The following SYDE1 variants were observed in gnomAD, a reference collection of about 807,000 sequenced individuals.
SYDE1 encodes the protein rho GTPase-activating protein SYDE1.
In SYDE1, 34 loss-of-function variants were observed where a neutral mutation model predicts 63.3. The ratio of observed to expected loss-of-function variants is 0.54; its 90% CI spans 0.41 to 0.71. The LOEUF is 0.71. SYDE1 is among the 30% of genes least tolerant of loss of function. SYDE1 has a pLI of 0.00. For missense variants in SYDE1, 925 were observed against 1,042.5 expected, an observed-to-expected ratio of 0.89 and a Z score of 1.55; for synonymous variants, 467 against 473.4, an observed-to-expected ratio of 0.99 and a Z score of 0.18.
Position 15,108,986 on chromosome 19 carries a change from T to C in SYDE1, c.89-70T>C. The C allele has an allele frequency of 7.0e-7, 1 of 1,431,972 alleles. No homozygotes were observed. The highest frequency in any genetic ancestry group is 9.1e-7 in the Non-Finnish European group (1 of 1,097,120). The allele number at this position is 1,431,972 out of a possible 1,614,324, so 88.7% of individuals were successfully genotyped here. ...CCGTACACAGCATCCCACCCACTGATCAATTGCACAGGGCTGCTCTGCAGG... is the reference window on the plus strand; with the variant it reads ...CCGTACACAGCATCCCACCCACTGACCAATTGCACAGGGCTGCTCTGCAGG... On this transcript the variant is annotated intron_variant, in intron 1 of 7. Transcript: ENST00000342784. This position sits in a 1 kb window ranked among gnomAD's most constrained non-coding sequence, Gnocchi z 4.3.
In SYDE1 at chr19:15,109,858, C is replaced by T. The variant is rs2046331216; in HGVS notation, c.585C>T (p.Ala195=). 6.5e-7 allele frequency: 1 copy of T among 1,527,456 alleles called. No homozygotes were observed. Among genetic ancestry groups the T allele is most frequent in the Admixed American group, 2.0e-5 (1 of 50,486 alleles). 94.6% of individuals were successfully genotyped at this position (1,527,456 alleles called of 1,614,324 possible). ...PRAGRERERA[A]PAGSVISRYH... ...CTGGCAGGGAGCGCGAGAGGGCTGC[C>T]CCTGCGGGCTCCGTCATCAGCCGCT... is the stretch of plus-strand genomic sequence containing the variant. Residue 195 remains alanine (A), a synonymous_variant, in exon 3 of 8, where the codon GCC becomes GCT. Transcript: ENST00000342784. The surrounding 1 kb of genome is among the most constrained non-coding windows in gnomAD (Gnocchi z 5.0).
At position 15,109,223 on chromosome 19, in the gene SYDE1, G is replaced by C. The variant is rs745324012; in HGVS notation, c.256G>C (p.Gly86Arg). Residue 86 changes from glycine (G) to arginine (R), a missense_variant, in exon 2 of 8, where the codon GGT becomes CGT. This residue lies in a region of SYDE1 where 599 missense variants were observed against 653.7 expected (regional missense o/e 0.92). Transcript: ENST00000342784. This position sits in a 1 kb window ranked among gnomAD's most constrained non-coding sequence, Gnocchi z 5.0. ...LEPSSRRWVLGGAKPAEDTSL... is the reference protein window; with the variant it reads ...LEPSSRRWVLRGAKPAEDTSL... ...GCCCAGTAGCCGCCGATGGGTGCTG[G>C]GTGGGGCCAAGCCAGCTGAGGACAC... 2.5e-6 allele frequency: 4 copies of C among 1,580,776 alleles called. No homozygotes were observed. Among genetic ancestry groups the C allele is most frequent in the African/African-American group, 2.7e-5 (2 of 74,400 alleles).
In SYDE1 at chr19:15,111,305, AC is replaced by A. The variant is rs1290293318; in HGVS notation, c.1291-3del. On this transcript the variant is annotated splice_region_variant and splice_polypyrimidine_tract_variant and intron_variant, in intron 4 of 7. Coordinates refer to ENST00000342784, the MANE Select transcript of SYDE1 (RefSeq NM_033025.6). This position sits in a 1 kb window ranked among gnomAD's most constrained non-coding sequence, Gnocchi z 5.5. ...AAGAAGACATTCACTCTCTCTTCCCACCCCCAGGTAGTGGGACTGTACCGTC... is the reference window on the plus strand; with the variant it reads ...AAGAAGACATTCACTCTCTCTTCCCACCCCAGGTAGTGGGACTGTACCGTC... 6.2e-7 allele frequency: 1 copy of A among 1,613,688 alleles called. No individual in the cohort carries two copies. Among genetic ancestry groups the A allele is most frequent in the Non-Finnish European group, 8.5e-7 (1 of 1,179,888 alleles).
chr19:15,109,902 T>TG lies in SYDE1; in HGVS notation c.635dup (p.Gly214ArgfsTer179). On this transcript the variant is annotated frameshift_variant, in exon 3 of 8. Coordinates refer to ENST00000342784, the MANE Select transcript of SYDE1 (RefSeq NM_033025.6). LOFTEE classifies it high-confidence loss of function. The surrounding 1 kb of genome is among the most constrained non-coding windows in gnomAD (Gnocchi z 5.0). Reference sequence around the variant, plus strand: ...AGCCGCTACCACCTGGACAGCAGCGTGGGGGGCCCCGGGCCGGCAGCAGGG... The same window carrying TG: ...AGCCGCTACCACCTGGACAGCAGCGTGGGGGGGCCCCGGGCCGGCAGCAGGG... 1.4e-6 allele frequency: 2 copies of TG among 1,477,032 alleles called. No homozygotes were observed. The highest frequency in any genetic ancestry group is 1.8e-6 in the Non-Finnish European group (2 of 1,119,592). 91.5% of individuals were successfully genotyped at this position (1,477,032 alleles called of 1,614,324 possible).
intron 7 of SYDE1, among the ~76,000 whole-genome samples, chr19:15,113,229 G>A (rs1251751366): frequency 6.6e-6 from 1 of 150,558 alleles, no homozygotes; most frequent in East Asian, 1.9e-4. Context: ...TAGTGGAGAT[G>A]GGGCTTCACG....
Position 15,109,723 on chromosome 19 carries a change from C to T in SYDE1, c.450C>T (p.Pro150=). The T allele has an allele frequency of 6.6e-7, 1 of 1,521,814 alleles. No homozygotes were observed. The highest frequency in any genetic ancestry group is 8.8e-7 in the Non-Finnish European group (1 of 1,133,956). 94.3% of individuals were successfully genotyped at this position (1,521,814 alleles called of 1,614,324 possible). The change falls in exon 3 of 8, where the codon CCC becomes CCT. Residue 150 remains proline (P), a synonymous_variant. Coordinates refer to ENST00000342784, the MANE Select transcript of SYDE1 (RefSeq NM_033025.6). The surrounding 1 kb of genome is among the most constrained non-coding windows in gnomAD (Gnocchi z 5.0). ...LAPQGAAPAS[P]PTKASRTKSP... The stretch of plus-strand genomic sequence containing the variant: ...ACACAGGTGCAGCCCCCGCCAGCCC[C>T]CCAACCAAAGCCTCCCGCACCAAGT...
chr19:15,110,800 A>G lies in SYDE1; in HGVS notation c.1290+65A>G, dbSNP rs988898522. 14 of 1,343,816 alleles carry G rather than the reference A, an allele frequency of 1.0e-5. No individual in the cohort carries two copies. The highest frequency in any genetic ancestry group is 5.8e-5 in the African/African-American group (4 of 69,246). 83.2% of individuals were successfully genotyped at this position (1,343,816 alleles called of 1,614,324 possible). On this transcript the variant is annotated intron_variant, in intron 4 of 7. Transcript: ENST00000342784. This position sits in a 1 kb window ranked among gnomAD's most constrained non-coding sequence, Gnocchi z 6.9. ...CTCAGACCACTCTTCAGGACACCCT[A>G]TGTACAGATGCCAGACCCCTACCCC...
At position 15,108,858 on chromosome 19, in the gene SYDE1, G is replaced by C; in HGVS notation, c.89-198G>C. ...TTTTGGGATGCCAGGGACTGAGTAG[G>C]GGGTGCTCTAAGCTGATAACTGAGA... On this transcript the variant is annotated intron_variant, in intron 1 of 7. Coordinates refer to ENST00000342784, the MANE Select transcript of SYDE1 (RefSeq NM_033025.6). The surrounding 1 kb of genome is among the most constrained non-coding windows in gnomAD (Gnocchi z 4.3). The C allele has an allele frequency of 1.3e-6, 1 of 775,332 alleles. No homozygotes were observed. The highest frequency in any genetic ancestry group is 3.1e-5 in the East Asian group (1 of 31,810). The allele number at this position is 775,332 out of a possible 1,614,324, so 48.0% of individuals were successfully genotyped here.
chr19:15,113,594 G>A lies in SYDE1; in HGVS notation c.1839G>A (p.Ala613=). ...TGCCCCGACAATCTCCAGATGTCGCGCCTTACTTGCGACCCAAACGACAGC... is the reference window on the plus strand; with the variant it reads ...TGCCCCGACAATCTCCAGATGTCGCACCTTACTTGCGACCCAAACGACAGC... The part of the protein sequence containing the change: ...PRLPRQSPDV[A]PYLRPKRQPP... The change falls in exon 8 of 8, where the codon GCG becomes GCA. Residue 613 remains alanine (A), a synonymous_variant. Coordinates refer to ENST00000342784, the MANE Select transcript of SYDE1 (RefSeq NM_033025.6). 1 of 1,585,052 alleles carries A rather than the reference G, an allele frequency of 6.3e-7. No individual in the cohort carries two copies. Among genetic ancestry groups the A allele is most frequent in the Non-Finnish European group, 8.6e-7 (1 of 1,164,174 alleles).
chr19:15,111,653 G>A lies in SYDE1; in HGVS notation c.1439G>A (p.Arg480Gln), dbSNP rs1464165172. ...ACAGGCATCCTCAAGGATTATCTTC[G>A]AGAGTTGCCCACCCCACTCATCACC... ...VITGILKDYL[R>Q]ELPTPLITQP... The change falls in exon 6 of 8, where the codon CGA (arginine) becomes CAA (glutamine). Residue 480 changes from arginine (R) to glutamine (Q), a missense_variant. Arg to Gln is a conservative substitution (Grantham distance 43, BLOSUM62 1). Around this residue, in one of 3 missense-constraint regions of SYDE1, gnomAD observed 71 missense variants for 132.8 expected, o/e 0.53. Coordinates refer to ENST00000342784, the MANE Select transcript of SYDE1 (RefSeq NM_033025.6). This position sits in a 1 kb window ranked among gnomAD's most constrained non-coding sequence, Gnocchi z 5.5. 3.7e-6 allele frequency: 6 copies of A among 1,613,828 alleles called. No individual in the cohort carries two copies. The highest frequency in any genetic ancestry group is 1.7e-5 in the Admixed American group (1 of 59,988).
In SYDE1 at chr19:15,108,293, C is replaced by A. The variant is rs1188408177; in HGVS notation, c.89-763C>A. Among the ~76,000 whole-genome samples, 1 of 152,110 alleles carries A rather than the reference C, an allele frequency of 6.6e-6. No individual in the cohort carries two copies. The highest frequency in any genetic ancestry group is 1.5e-5 in the Non-Finnish European group (1 of 68,010). On this transcript the variant is annotated intron_variant, in intron 1 of 7. Coordinates refer to ENST00000342784, the MANE Select transcript of SYDE1 (RefSeq NM_033025.6). The surrounding 1 kb of genome is among the most constrained non-coding windows in gnomAD (Gnocchi z 4.3). ...ATTCCATGGACGTACCCCTTCCCCC[C>A]AGGCCTTCCCAAAGATTCCCAATGT...
Position 15,110,255 on chromosome 19 carries a change from C to T in SYDE1, c.982C>T (p.Leu328Phe). Residue 328 changes from leucine (L) to phenylalanine (F), a missense_variant, in exon 3 of 8, where the codon CTC becomes TTC. Leu to Phe is a conservative substitution (Grantham distance 22). Transcript: ENST00000342784. The surrounding 1 kb of genome is among the most constrained non-coding windows in gnomAD (Gnocchi z 6.9). The stretch of plus-strand genomic sequence containing the variant: ...CCACCTGGAGCTGGAGGCCGCCAGG[C>T]TCCTGCGCGCCCTGGTGCTTGCGTG... ...TFHLELEAAR[L>F]LRALVLAWDP... 1.4e-6 allele frequency: 2 copies of T among 1,414,406 alleles called. No homozygotes were observed. Among genetic ancestry groups the T allele is most frequent in the South Asian group, 1.6e-5 (1 of 63,356 alleles). 87.6% of individuals were successfully genotyped at this position (1,414,406 alleles called of 1,614,324 possible).
Position 15,110,819 on chromosome 19 carries a change from C to T in SYDE1, c.1290+84C>T. 1 of 1,244,566 alleles carries T rather than the reference C, an allele frequency of 8.0e-7. No individual in the cohort carries two copies. The highest frequency in any genetic ancestry group is 1.1e-6 in the Non-Finnish European group (1 of 915,902). The allele number at this position is 1,244,566 out of a possible 1,614,324, so 77.1% of individuals were successfully genotyped here. Reference sequence around the variant, plus strand: ...CACCCTATGTACAGATGCCAGACCCCTACCCCCAGGCCTGAGCCACTCCTA... The same window carrying T: ...CACCCTATGTACAGATGCCAGACCCTTACCCCCAGGCCTGAGCCACTCCTA... On this transcript the variant is annotated intron_variant, in intron 4 of 7. Transcript: ENST00000342784. This position sits in a 1 kb window ranked among gnomAD's most constrained non-coding sequence, Gnocchi z 6.9.
chr19:15,113,805 G>A lies in SYDE1; in HGVS notation c.2050G>A (p.Glu684Lys). Residue 684 changes from glutamate to lysine, a missense_variant, in exon 8 of 8, where the codon GAG (glutamate) becomes AAG (lysine). By Grantham distance (56) the Glu-to-Lys change is moderately conservative. This residue lies in a region of SYDE1 where 255 missense variants were observed against 255.9 expected (regional missense o/e 1.00). Coordinates refer to ENST00000342784, the MANE Select transcript of SYDE1 (RefSeq NM_033025.6). ...DYDHVTGSDSEDEDEEVGEPR... is the reference protein window; with the variant it reads ...DYDHVTGSDSKDEDEEVGEPR... Reference sequence around the variant, plus strand: ...CGACCACGTGACGGGCAGTGACAGCGAGGACGAGGACGAGGAGGTCGGCGA... The same window carrying A: ...CGACCACGTGACGGGCAGTGACAGCAAGGACGAGGACGAGGAGGTCGGCGA... The A allele has an allele frequency of 6.2e-7, 1 of 1,613,504 alleles. No individual in the cohort carries two copies. The highest frequency in any genetic ancestry group is 8.5e-7 in the Non-Finnish European group (1 of 1,179,470).
In SYDE1 at chr19:15,109,123, G is replaced by C; in HGVS notation, c.156G>C (p.Gln52His). ...EPEPQAPEGS[Q>H]AGAEGPSSPE... ...AGCCCCAGGCTCCCGAAGGGTCCCA[G>C]GCCGGAGCAGAGGGGCCCTCCAGCC... The change falls in exon 2 of 8, where the codon CAG (glutamine) becomes CAC (histidine). Residue 52 changes from glutamine to histidine, a missense_variant. Transcript: ENST00000342784. The surrounding 1 kb of genome is among the most constrained non-coding windows in gnomAD (Gnocchi z 5.0). 1 of 1,549,638 alleles carries C rather than the reference G, an allele frequency of 6.5e-7. No individual in the cohort carries two copies. The highest frequency in any genetic ancestry group is 8.7e-7 in the Non-Finnish European group (1 of 1,146,622).
At chr19:15,112,231 TC>T (rs2046349680) in intron 6 of SYDE1, 114 bp from the exon 7 acceptor site, 1 of 668,502 alleles carries the variant, frequency 1.5e-6, no homozygotes. Context: ...CCCGACCACA[TC>T]CCAGCTATGA....
Position 15,109,605 on chromosome 19 carries a change from G to A in SYDE1, c.431-99G>A, listed in dbSNP as rs2046328656. The A allele has an allele frequency of 1.1e-5, 10 of 930,094 alleles. No homozygotes were observed. Among genetic ancestry groups the A allele is most frequent in the Middle Eastern group, 2.5e-4 (1 of 4,024 alleles). The allele number at this position is 930,094 out of a possible 1,614,324, so 57.6% of individuals were successfully genotyped here. Reference sequence around the variant, plus strand: ...CCTCACACCCTCCTCCCCGCCAGGGGAACACCAGCCTCACACTCCTTCCCT... The same window carrying A: ...CCTCACACCCTCCTCCCCGCCAGGGAAACACCAGCCTCACACTCCTTCCCT... On this transcript the variant is annotated intron_variant, in intron 2 of 7. Transcript: ENST00000342784. This position sits in a 1 kb window ranked among gnomAD's most constrained non-coding sequence, Gnocchi z 5.0.
Position 15,109,560 on chromosome 19 carries a change from T to G in SYDE1, c.431-144T>G. Reference sequence around the variant, plus strand: ...AGCCTCACATCCCCACCCCGTCAGATGCTCCCAGAGGAGCATCAGCCTCAC... The same window carrying G: ...AGCCTCACATCCCCACCCCGTCAGAGGCTCCCAGAGGAGCATCAGCCTCAC... On this transcript the variant is annotated intron_variant, in intron 2 of 7. Transcript: ENST00000342784. This position sits in a 1 kb window ranked among gnomAD's most constrained non-coding sequence, Gnocchi z 5.0. 1.0e-6 allele frequency: 1 copy of G among 970,290 alleles called. No individual in the cohort carries two copies. Among genetic ancestry groups the G allele is most frequent in the Non-Finnish European group, 1.5e-6 (1 of 673,902 alleles). 60.1% of individuals were successfully genotyped at this position (970,290 alleles called of 1,614,324 possible).
At position 15,111,243 on chromosome 19, in the gene SYDE1, T is replaced by A; in HGVS notation, c.1291-70T>A. Reference sequence around the variant, plus strand: ...GCTGCCTGGCCCAGAATTCCAGTGCTCACCCCACTGGGCCCTGATTAGTCT... The same window carrying A: ...GCTGCCTGGCCCAGAATTCCAGTGCACACCCCACTGGGCCCTGATTAGTCT... On this transcript the variant is annotated intron_variant, in intron 4 of 7. Transcript: ENST00000342784. This position sits in a 1 kb window ranked among gnomAD's most constrained non-coding sequence, Gnocchi z 5.5. 6.4e-7 allele frequency: 1 copy of A among 1,560,680 alleles called. No individual in the cohort carries two copies. Among genetic ancestry groups the A allele is most frequent in the Non-Finnish European group, 8.8e-7 (1 of 1,138,298 alleles).
Sources: gnomAD v4.1 joint callset for allele counts (sites outside exome capture counted in the v4.1 genomes callset) on GRCh38, gnomAD v4.1.1 for gene constraint, gnomAD v4.1.1 regional missense constraint, Gnocchi (gnomAD v3.1) non-coding constraint, MANE v1.5 for transcripts, NCBI Gene and HGNC (gene_info 2026-07-23, HGNC 2026-07-21) for gene names.